Variants in NEDD4L observed in about 807,000 individuals in gnomAD.
NEDD4L encodes NEDD4 like E3 ubiquitin protein ligase.
Under a neutral mutation model 148.9 loss-of-function variants are expected in NEDD4L, and 54 were observed. That is an observed-to-expected ratio of 0.36 (90% CI 0.29 to 0.45). The LOEUF is 0.45. Among genes scored for constraint, NEDD4L ranks in the 20% least tolerant of loss-of-function variants. The pLI is 1.00. For synonymous variants in NEDD4L, 433 were observed against 440.7 expected, an observed-to-expected ratio of 0.98 and a Z score of 0.22; for missense variants, 856 against 1,233.8, an observed-to-expected ratio of 0.69 and a Z score of 4.59.
intron 2 of NEDD4L, among the ~76,000 whole-genome samples, chr18:58,200,234 T>C (rs1255779661): frequency 6.6e-6 from 1 of 152,268 alleles, no homozygotes; most frequent in Non-Finnish European, 1.5e-5. Context: ...TTATTTTCCA[T>C]TGCATTCACT....
At chr18:58,313,919 C>T (rs1241969443) in intron 5 of NEDD4L, among the ~76,000 whole-genome samples, 1 of 152,252 alleles carries the variant, frequency 6.6e-6, no homozygotes, top group Non-Finnish European at 1.5e-5. Context: ...AGCTATCAGG[C>T]TGTGAAACAG....
intron 19 of NEDD4L, 101 bp from the exon 20 acceptor site, chr18:58,364,167 A>T: frequency 1.4e-6 from 1 of 720,350 alleles, no homozygotes; most frequent in South Asian, 1.7e-5. Flanking sequence ...GTGAGAATTT[A>T]CGGTTTATGA....
chr18:58,157,436 C>CTTT (rs2035641303), intron 1 of NEDD4L, among the ~76,000 whole-genome samples: 3 of 152,072 alleles, frequency 2.0e-5, no homozygotes, highest in African/African-American at 7.2e-5. Flanking sequence ...ATGCAGTTTG[C>CTTT]TTTATGCATT....
At chr18:58,336,404 C>A (rs908400858) in intron 13 of NEDD4L, among the ~76,000 whole-genome samples, 2 of 151,964 alleles carry the variant, frequency 1.3e-5, no homozygotes, top group Non-Finnish European at 2.9e-5. Context: ...AGTGAAACCC[C>A]GTCTCTACTA....
At chr18:58,059,039 T>G (rs1223102659) in intron 1 of NEDD4L, among the ~76,000 whole-genome samples, 1 of 152,228 alleles carries the variant, frequency 6.6e-6, no homozygotes, top group African/African-American at 2.4e-5. Context: ...TTTAAATGTC[T>G]TTTTGAATTC....
intron 1 of NEDD4L, among the ~76,000 whole-genome samples, chr18:58,084,671 T>TTGTGTGGG (rs372571146): frequency 1.5e-5 from 2 of 133,738 alleles, no homozygotes; most frequent in South Asian, 2.6e-4. Context: ...TGTGGGGTTT[T>TTGTGTGGG]TGTGTGTGTG....
intron 5 of NEDD4L, among the ~76,000 whole-genome samples, chr18:58,309,195 CACG>C (rs1054931671): frequency 6.6e-6 from 1 of 152,166 alleles, no homozygotes; most frequent in African/African-American, 2.4e-5. Context: ...CCCACTGCCC[CACG>C]GGGCCACGCC....
intron 1 of NEDD4L, among the ~76,000 whole-genome samples, chr18:58,132,029 T>C (rs868512557): frequency 6.6e-6 from 1 of 152,238 alleles, no homozygotes; most frequent in South Asian, 2.1e-4. Context: ...GTGCATTCTC[T>C]TTCCTTTACA....
At chr18:58,123,179 C>A (rs912471993) in intron 1 of NEDD4L, among the ~76,000 whole-genome samples, 14 of 152,222 alleles carry the variant, frequency 9.2e-5, no homozygotes, top group Non-Finnish European at 1.6e-4. Flanking sequence ...CTTGAAGACA[C>A]CGCCAACCCT....
Position 58,398,416 on chromosome 18 carries a change from T to A in NEDD4L, c.*2147T>A, listed in dbSNP as rs2050634085. 6.6e-6 allele frequency: 1 copy of A among 152,074 alleles called. No homozygotes were observed. The highest frequency in any genetic ancestry group is 1.9e-4 in the East Asian group (1 of 5,190). The allele number at this position is 152,074 out of a possible 1,614,324, so 9.4% of individuals were successfully genotyped here. On this transcript the variant is annotated 3_prime_UTR_variant, in exon 31 of 31. Transcript: ENST00000400345. Reference sequence around the variant, plus strand: ...AGAAATCCAATTCTAACCTAAGAACTGGGATTCTTCTGTCATCTTGTAAAC... The same window carrying A: ...AGAAATCCAATTCTAACCTAAGAACAGGGATTCTTCTGTCATCTTGTAAAC...
At chr18:58,178,574 T>C (rs1003296420) in intron 2 of NEDD4L, among the ~76,000 whole-genome samples, 3 of 152,264 alleles carry the variant, frequency 2.0e-5, no homozygotes, top group Non-Finnish European at 2.9e-5. Flanking sequence ...GTTGGACTTA[T>C]GACCTTAGTG....
At chr18:58,305,007 G>A (rs764141010) in intron 5 of NEDD4L, among the ~76,000 whole-genome samples, 1 of 152,152 alleles carries the variant, frequency 6.6e-6, no homozygotes, top group African/African-American at 2.4e-5. Flanking sequence ...TAATATCCCA[G>A]CCCTATCAGG....
intron 1 of NEDD4L, among the ~76,000 whole-genome samples, chr18:58,084,216 G>C (rs954843689): frequency 6.6e-6 from 1 of 152,168 alleles, no homozygotes; most frequent in East Asian, 1.9e-4. Context: ...AATCCACAGA[G>C]ACGGAAAGTA....
At position 58,341,135 on chromosome 18, in the gene NEDD4L, A is replaced by G. The variant is rs759746029; in HGVS notation, c.1223A>G (p.Asn408Ser). The G allele has an allele frequency of 8.7e-6, 14 of 1,612,760 alleles. No homozygotes were observed. Among genetic ancestry groups the G allele is most frequent in the Admixed American group, 5.0e-5 (3 of 59,916 alleles). The change falls in exon 14 of 31, where the codon AAT becomes AGT. Residue 408 changes from asparagine to serine, a missense_variant. Physicochemically the swap from Asn to Ser is conservative, Grantham distance 46. This residue lies in a region of NEDD4L where 367 missense variants were observed against 422.7 expected (regional missense o/e 0.87). Transcript: ENST00000400345. ...CGCACATACTATGTCAATCATAACA[A>G]TCGAACCACAACTTGGACTCGACCT... is the stretch of plus-strand genomic sequence containing the variant. ...KGRTYYVNHN[N>S]RTTTWTRPIM...
chr18:58,074,838 G>C (rs1041216879), intron 1 of NEDD4L, among the ~76,000 whole-genome samples: 11 of 152,076 alleles, frequency 7.2e-5, no homozygotes, highest in Admixed American at 2.0e-4. Flanking sequence ...GAAGATACAG[G>C]GGTATCTAGG....
intron 1 of NEDD4L, among the ~76,000 whole-genome samples, chr18:58,155,078 A>G (rs501370): frequency 0.5 from 75,785 of 152,040 alleles, 19,174 homozygotes; most frequent in East Asian, 0.64. Context: ...AATCTAGTCC[A>G]TGGACACAAT....
intron 1 of NEDD4L, among the ~76,000 whole-genome samples, chr18:58,062,614 G>A (rs1416632315): frequency 2.0e-5 from 3 of 152,158 alleles, no homozygotes; most frequent in Admixed American, 1.3e-4. Flanking sequence ...GCACTAAAGC[G>A]CGGCTGCTGC....
chr18:58,069,414 A>T (rs2082761238), intron 1 of NEDD4L, among the ~76,000 whole-genome samples: 1 of 152,212 alleles, frequency 6.6e-6, no homozygotes, highest in African/African-American at 2.4e-5. Context: ...GTAATGTGGG[A>T]AACTGATAAC....
chr18:58,278,899 T>C (rs1299914381), intron 5 of NEDD4L, among the ~76,000 whole-genome samples: 11 of 152,158 alleles, frequency 7.2e-5, no homozygotes, highest in African/African-American at 2.2e-4. Flanking sequence ...TGGGATAGAG[T>C]CTCACTCTGT....
Sources: gnomAD v4.1 joint callset for allele counts (sites outside exome capture counted in the v4.1 genomes callset) on GRCh38, gnomAD v4.1.1 for gene constraint, gnomAD v4.1.1 regional missense constraint, MANE v1.5 for transcripts, NCBI Gene and HGNC (gene_info 2026-07-23, HGNC 2026-07-21) for gene names.